HHAT: variants seen among roughly 807,000 people sequenced by gnomAD.
HHAT encodes hedgehog acyltransferase, also known as protein-cysteine N-palmitoyltransferase HHAT.
In HHAT, 47 loss-of-function variants were observed where a neutral mutation model predicts 70.8. That is an observed-to-expected ratio of 0.66 (90% confidence interval 0.53 to 0.85). HHAT has a LOEUF of 0.85. HHAT is among the 40% of genes least tolerant of loss of function. The pLI is 0.00. For synonymous variants in HHAT, 228 were observed against 247.6 expected, an observed-to-expected ratio of 0.92 and a Z score of 0.74; for missense variants, 609 against 604.8, an observed-to-expected ratio of 1.01 and a Z score of -0.07.
intron 7 of HHAT, among the ~76,000 whole-genome samples, chr1:210,433,882 T>A (rs2093314738): frequency 6.6e-6 from 1 of 151,982 alleles, no homozygotes; most frequent in South Asian, 2.1e-4. Context: ...GGGCAGGGCA[T>A]TGGGCTGTGG....
intron 10 of HHAT, among the ~76,000 whole-genome samples, chr1:210,593,685 C>G (rs185132567): frequency 6.6e-6 from 1 of 152,082 alleles, no homozygotes; most frequent in Non-Finnish European, 1.5e-5. Context: ...TCGATTAGGT[C>G]CATTTGACCT....
intron 11 of HHAT, among the ~76,000 whole-genome samples, chr1:210,643,487 T>A (rs764791840): frequency 5.9e-5 from 9 of 152,210 alleles, no homozygotes; most frequent in Non-Finnish European, 1.2e-4. Flanking sequence ...TGGGGAAGTA[T>A]CTTATGTATT....
intron 4 of HHAT, among the ~76,000 whole-genome samples, chr1:210,389,560 C>T (rs561891928): frequency 5.0e-4 from 76 of 152,286 alleles, no homozygotes; most frequent in African/African-American, 1.8e-3. Flanking sequence ...CTTATGAGAT[C>T]TCGTTGTTTG....
chr1:210,338,892 A>G (rs1468053769), intron 1 of HHAT, among the ~76,000 whole-genome samples: 1 of 152,102 alleles, frequency 6.6e-6, no homozygotes, highest in Non-Finnish European at 1.5e-5. Context: ...AAACACAACA[A>G]TCAGAACTGC....
chr1:210,399,496 C>T (rs1180269873), intron 4 of HHAT, among the ~76,000 whole-genome samples: 1 of 152,116 alleles, frequency 6.6e-6, no homozygotes, highest in African/African-American at 2.4e-5. Context: ...TCAGGTGATG[C>T]ACCTGCCTCG....
intron 9 of HHAT, among the ~76,000 whole-genome samples, chr1:210,553,945 C>T (rs760167019): frequency 2.0e-4 from 31 of 152,160 alleles, no homozygotes; most frequent in Non-Finnish European, 3.7e-4. Flanking sequence ...TTGTTCTCTT[C>T]CCTGATAAAA....
chr1:210,623,468 C>T (rs562364679), intron 10 of HHAT, 58 bp from the exon 11 acceptor site: 6 of 1,602,900 alleles, frequency 3.7e-6, no homozygotes, highest in East Asian at 2.2e-5. Context: ...TGGATGGTAT[C>T]TTAGCCCCAT....
chr1:210,472,609 G>C (rs921041126), intron 8 of HHAT, among the ~76,000 whole-genome samples: 2 of 152,190 alleles, frequency 1.3e-5, no homozygotes, highest in African/African-American at 4.8e-5. Context: ...GGTTCAGTCT[G>C]TGTCACAGTT....
At chr1:210,555,280 C>T (rs61828133) in intron 9 of HHAT, among the ~76,000 whole-genome samples, 1,903 of 152,296 alleles carry the variant, frequency 0.012, 15 homozygotes, top group Non-Finnish European at 0.02. Context: ...CTCACCCTGA[C>T]CCCTCGCTGT....
intron 3 of HHAT, among the ~76,000 whole-genome samples, chr1:210,375,558 A>G (rs1048390189): frequency 6.7e-6 from 1 of 150,272 alleles, no homozygotes; most frequent in African/African-American, 2.4e-5. Flanking sequence ...TTTTCTAGCA[A>G]TCCATTCTGC....
chr1:210,652,644 G>T (rs751884247), intron 11 of HHAT, among the ~76,000 whole-genome samples: 63 of 152,336 alleles, frequency 4.1e-4, no homozygotes, highest in Non-Finnish European at 7.2e-4. Flanking sequence ...TCAGGCTGGT[G>T]CAGTATTAAC....
At chr1:210,527,930 A>G (rs12725559) in intron 9 of HHAT, among the ~76,000 whole-genome samples, 1 of 152,238 alleles carries the variant, frequency 6.6e-6, no homozygotes, top group African/African-American at 2.4e-5. Context: ...AAATAAATAA[A>G]CAAATGGGTG....
At chr1:210,329,176 TAA>T (rs113095614) in intron 1 of HHAT, 72 bp downstream of exon 1, 6 of 1,106,586 alleles carry the variant, frequency 5.4e-6, no homozygotes, top group Non-Finnish European at 5.7e-6. Context: ...TTTACTCTGT[TAA>T]AAAAAAAATG....
intron 2 of HHAT, among the ~76,000 whole-genome samples, chr1:210,356,938 C>T (rs2087694796): frequency 6.6e-6 from 1 of 152,226 alleles, no homozygotes; most frequent in Admixed American, 6.5e-5. Flanking sequence ...CTTCAGTTTA[C>T]AAGGCTTTGT....
intron 9 of HHAT, among the ~76,000 whole-genome samples, chr1:210,525,786 A>G (rs148077683): frequency 2.6e-5 from 4 of 152,270 alleles, no homozygotes; most frequent in African/African-American, 9.6e-5. Context: ...TACTCAGGAT[A>G]TTTGCAATGT....
chr1:210,650,679 G>T (rs1347429675), intron 11 of HHAT, among the ~76,000 whole-genome samples: 1 of 152,184 alleles, frequency 6.6e-6, no homozygotes, highest in Non-Finnish European at 1.5e-5. Flanking sequence ...CTCTTGGATA[G>T]AAGGTATATT....
chr1:210,525,498 C>G (rs1359377831), intron 9 of HHAT, among the ~76,000 whole-genome samples: 2 of 152,134 alleles, frequency 1.3e-5, no homozygotes, highest in African/African-American at 4.8e-5. Context: ...ACTAATATTT[C>G]ATTTTTAGAA....
intron 3 of HHAT, among the ~76,000 whole-genome samples, chr1:210,375,827 G>T: frequency 6.7e-6 from 1 of 150,150 alleles, no homozygotes. Context: ...GTTCAGATTG[G>T]GTGATTTTTA....
rs74156135 is a variant in HHAT at position 210,344,104 on chromosome 1, C to A, written c.-43-4829C>A. ...TGAACCCCACAGGTGGGTTTGGTGCCAGAATGTATCACTGTGCTGTCAAGT... is the reference window on the plus strand; with the variant it reads ...TGAACCCCACAGGTGGGTTTGGTGCAAGAATGTATCACTGTGCTGTCAAGT... On this transcript the variant is annotated intron_variant, in intron 1 of 11. Coordinates refer to ENST00000261458, the MANE Select transcript of HHAT (RefSeq NM_018194.6). 7.6e-3 allele frequency among the ~76,000 whole-genome samples: 1,156 copies of A among 152,184 alleles called. 9 individuals carry two copies. The highest frequency in any genetic ancestry group is 0.026 in the African/African-American group (1,070 of 41,516).
Sources: gnomAD v4.1 joint callset for allele counts (sites outside exome capture counted in the v4.1 genomes callset) on GRCh38, gnomAD v4.1.1 for gene constraint, MANE v1.5 for transcripts, NCBI Gene and HGNC (gene_info 2026-07-23, HGNC 2026-07-21) for gene names.